The following ADAMTS2 variants were observed in gnomAD, a reference collection of about 807,000 sequenced individuals.
The protein encoded by ADAMTS2 is A disintegrin and metalloproteinase with thrombospondin motifs 2.
Under a neutral mutation model 123.0 loss-of-function variants are expected in ADAMTS2, and 50 were observed. That is an observed-to-expected ratio of 0.41 (90% CI 0.32 to 0.51). The LOEUF (loss-of-function observed/expected upper bound fraction) is 0.51. ADAMTS2 is among the 20% of genes least tolerant of loss of function. The probability of loss-of-function intolerance (pLI) is 0.35; values close to 1 mark genes in which losing one functional copy is unlikely to be tolerated. For missense variants in ADAMTS2, 1,494 were observed against 1,705.2 expected, an observed-to-expected ratio of 0.88 and a Z score of 2.18; for synonymous variants, 678 against 695.4, an observed-to-expected ratio of 0.98 and a Z score of 0.39.
chr5:179,147,995 C>T (rs908280667), intron 10 of ADAMTS2, among the ~76,000 whole-genome samples: 2 of 152,134 alleles, frequency 1.3e-5, no homozygotes, highest in Non-Finnish European at 2.9e-5. Context: ...GAGCAAGGGA[C>T]CCCAAAGCGT....
At chr5:179,212,448 G>A (rs1422147968) in intron 3 of ADAMTS2, among the ~76,000 whole-genome samples, 1 of 149,390 alleles carries the variant, frequency 6.7e-6, no homozygotes, top group African/African-American at 2.5e-5. Flanking sequence ...TGGGCCCTGA[G>A]GGTGGGTTCA....
chr5:179,223,758 T>C (rs1234258454), intron 3 of ADAMTS2, among the ~76,000 whole-genome samples: 1 of 152,128 alleles, frequency 6.6e-6, no homozygotes, highest in East Asian at 1.9e-4. Flanking sequence ...TGTGAGTGCA[T>C]GTGCGTGTAT....
At chr5:179,284,097 G>A (rs986907084) in intron 2 of ADAMTS2, among the ~76,000 whole-genome samples, 5 of 151,524 alleles carry the variant, frequency 3.3e-5, no homozygotes, top group Non-Finnish European at 5.9e-5. Context: ...TTGGGAGGAC[G>A]AGGCGAATGG....
At chr5:179,304,459 C>A (rs1449953374) in intron 2 of ADAMTS2, among the ~76,000 whole-genome samples, 2 of 152,186 alleles carry the variant, frequency 1.3e-5, no homozygotes, top group Non-Finnish European at 2.9e-5. Flanking sequence ...GGCAAAAACT[C>A]TGGCAACTAA....
intron 2 of ADAMTS2, among the ~76,000 whole-genome samples, chr5:179,311,746 A>C (rs1412141721): frequency 6.6e-6 from 1 of 151,426 alleles, no homozygotes; most frequent in Non-Finnish European, 1.5e-5. Context: ...GTAATTCCCC[A>C]TCCCCTGGCC....
rs762248993 is a variant in ADAMTS2, at chr5:179,154,930, A to T, written c.1133-11T>A. The T allele has an allele frequency of 2.5e-6, 4 of 1,610,532 alleles. No homozygotes were observed. In the Admixed American group the frequency reaches 6.7e-5, roughly 27 times the overall value. ...TGACAGGAGCATAGCCTGGGAGGAGACAAGAGGCGGCTCCAGATGCTGCCA... is the reference window on the plus strand; with the variant it reads ...TGACAGGAGCATAGCCTGGGAGGAGTCAAGAGGCGGCTCCAGATGCTGCCA... On this transcript the variant is annotated splice_polypyrimidine_tract_variant and intron_variant, in intron 6 of 21. Coordinates refer to ENST00000251582, the MANE Select transcript of ADAMTS2 (RefSeq NM_014244.5).
At chr5:179,163,546 G>T (rs533674811) in intron 5 of ADAMTS2, among the ~76,000 whole-genome samples, 2 of 152,096 alleles carry the variant, frequency 1.3e-5, no homozygotes, top group South Asian at 2.1e-4. Flanking sequence ...CATCCTCCCC[G>T]TCACCACTTT....
intron 2 of ADAMTS2, among the ~76,000 whole-genome samples, chr5:179,328,846 C>G (rs72648843): frequency 6.6e-6 from 1 of 152,012 alleles, no homozygotes; most frequent in Non-Finnish European, 1.5e-5. Context: ...TTCTTATTTC[C>G]GTGAGAAAAT....
intron 2 of ADAMTS2, among the ~76,000 whole-genome samples, chr5:179,284,833 GC>G (rs1755971540): frequency 6.6e-6 from 1 of 152,214 alleles, no homozygotes; most frequent in Non-Finnish European, 1.5e-5. Context: ...GAAGAAGGCG[GC>G]AAGCCCAGCT....
intron 11 of ADAMTS2, 136 bp from the exon 12 acceptor site, chr5:179,138,080 C>G (rs1357296843): frequency 1.7e-5 from 17 of 975,570 alleles, no homozygotes; most frequent in Non-Finnish European, 2.5e-5. Flanking sequence ...GCAAAGGGAC[C>G]TTGCCCTGCC....
At chr5:179,190,734 T>G (rs554071193) in intron 4 of ADAMTS2, among the ~76,000 whole-genome samples, 2 of 152,358 alleles carry the variant, frequency 1.3e-5, no homozygotes, top group African/African-American at 4.8e-5. Flanking sequence ...ACAGGCTGAA[T>G]GAAACTGTCA....
intron 3 of ADAMTS2, among the ~76,000 whole-genome samples, chr5:179,249,744 T>C (rs979272072): frequency 3.3e-5 from 5 of 152,140 alleles, no homozygotes; most frequent in African/African-American, 1.2e-4. Flanking sequence ...GTAAAGAGCT[T>C]GAATCAGTCA....
chr5:179,315,672 G>A (rs994870703), intron 2 of ADAMTS2, among the ~76,000 whole-genome samples: 1 of 152,186 alleles, frequency 6.6e-6, no homozygotes, highest in East Asian at 1.9e-4. Flanking sequence ...CTGAAACAAC[G>A]ATCCTTCCAG....
intron 2 of ADAMTS2, among the ~76,000 whole-genome samples, chr5:179,305,815 C>G (rs1284790268): frequency 2.0e-5 from 3 of 152,060 alleles, no homozygotes; most frequent in Non-Finnish European, 4.4e-5. Context: ...AATGACATCA[C>G]AGCCATAAAA....
chr5:179,177,917 A>C (rs2113305010), intron 5 of ADAMTS2, among the ~76,000 whole-genome samples: 1 of 152,326 alleles, frequency 6.6e-6, no homozygotes, highest in South Asian at 2.1e-4. Context: ...AAGCTTTGCC[A>C]GCACTGGTAA....
At chr5:179,133,049 T>C in intron 13 of ADAMTS2, 149 bp from the exon 14 acceptor site, 2 of 1,056,560 alleles carry the variant, frequency 1.9e-6, no homozygotes, top group Non-Finnish European at 1.4e-6. Flanking sequence ...GTGAACCACC[T>C]TGCCTGGCCT....
chr5:179,220,317 G>A (rs1480604855), intron 3 of ADAMTS2, among the ~76,000 whole-genome samples: 10 of 152,170 alleles, frequency 6.6e-5, no homozygotes, highest in Admixed American at 1.3e-4. Context: ...CCAGTGCCAC[G>A]GGACCCATGT....
At position 179,113,852 on chromosome 5, in the gene ADAMTS2, T is replaced by C; in HGVS notation, c.*15A>G. 6.2e-7 allele frequency: 1 copy of C among 1,612,082 alleles called. No individual in the cohort carries two copies. The highest frequency in any genetic ancestry group is 8.5e-7 in the Non-Finnish European group (1 of 1,178,078). ...AGCAAGAAAAAAATGCTAGGGATGCTATCTTTCCATTTTATTAGAACTTTC... is the reference window on the plus strand; with the variant it reads ...AGCAAGAAAAAAATGCTAGGGATGCCATCTTTCCATTTTATTAGAACTTTC... On this transcript the variant is annotated 3_prime_UTR_variant, in exon 22 of 22. Transcript: ENST00000251582.
At position 179,253,160 on chromosome 5, in the gene ADAMTS2, A is replaced by G. The variant is rs145509459; in HGVS notation, c.688+19751T>C. 5.8e-3 allele frequency among the ~76,000 whole-genome samples: 881 copies of G among 152,254 alleles called. 11 individuals carry two copies. The highest frequency in any genetic ancestry group is 0.02 in the African/African-American group (825 of 41,552). On this transcript the variant is annotated intron_variant, in intron 3 of 21. Coordinates refer to ENST00000251582, the MANE Select transcript of ADAMTS2 (RefSeq NM_014244.5). Reference sequence around the variant, plus strand: ...TTTACTCTGGTGATAGCGTCCAGCCAGATTTTGAATTTGGGGTTTGTCTCG... The same window carrying G: ...TTTACTCTGGTGATAGCGTCCAGCCGGATTTTGAATTTGGGGTTTGTCTCG...
Sources: gnomAD v4.1 joint callset for allele counts (sites outside exome capture counted in the v4.1 genomes callset) on GRCh38, gnomAD v4.1.1 for gene constraint, MANE v1.5 for transcripts, NCBI Gene and HGNC (gene_info 2026-07-23, HGNC 2026-07-21) for gene names.